RASGRF2: variants seen among roughly 807,000 people sequenced by gnomAD.
The protein encoded by RASGRF2 is Ras protein specific guanine nucleotide releasing factor 2, also known as ras-specific guanine nucleotide-releasing factor 2.
In RASGRF2, 76 loss-of-function variants were observed where a neutral mutation model predicts 151.0. The ratio of observed to expected loss-of-function variants is 0.50; its 90% CI spans 0.42 to 0.61. The LOEUF is 0.61. Among genes scored for constraint, RASGRF2 ranks in the 20% least tolerant of loss-of-function variants. The pLI is 0.00. For missense variants in RASGRF2, 1,148 were observed against 1,564.6 expected (o/e 0.73, Z 4.49); for synonymous variants, 504 against 566.5 (o/e 0.89, Z 1.57).
intron 1 of RASGRF2, among the ~76,000 whole-genome samples, chr5:81,037,922 C>T (rs1002044427): frequency 6.6e-6 from 1 of 152,106 alleles, no homozygotes; most frequent in African/African-American, 2.4e-5. Context: ...TAACTGTATA[C>T]ATATCTAAAA....
chr5:81,144,411 C>T (rs954343324), intron 17 of RASGRF2, among the ~76,000 whole-genome samples: 1 of 152,194 alleles, frequency 6.6e-6, no homozygotes, highest in African/African-American at 2.4e-5. Context: ...GTGATTAGTA[C>T]AGGTTGTGCC....
At chr5:80,981,330 A>G (rs1272708249) in intron 1 of RASGRF2, among the ~76,000 whole-genome samples, 2 of 152,046 alleles carry the variant, frequency 1.3e-5, no homozygotes, top group Non-Finnish European at 2.9e-5. Flanking sequence ...TTTTGCTTTA[A>G]AAATTGTGGT....
intron 18 of RASGRF2, among the ~76,000 whole-genome samples, chr5:81,195,854 C>T (rs1337925507): frequency 6.6e-6 from 1 of 152,190 alleles, no homozygotes; most frequent in Non-Finnish European, 1.5e-5. Context: ...TGCTTCTCAT[C>T]TCAGCCCATG....
chr5:81,107,686 CTTA>C (rs568826372), intron 12 of RASGRF2, among the ~76,000 whole-genome samples: 147 of 152,280 alleles, frequency 9.7e-4, no homozygotes, highest in African/African-American at 2.9e-3. Flanking sequence ...TTGACTCTGT[CTTA>C]TTATATGTGT....
At chr5:81,066,025 G>T (rs1751589843) in intron 2 of RASGRF2, among the ~76,000 whole-genome samples, 1 of 151,998 alleles carries the variant, frequency 6.6e-6, no homozygotes, top group South Asian at 2.1e-4. Context: ...TTTTTTAAGA[G>T]AAAAGAAAAT....
chr5:81,208,534 C>CTTTTTTTTTTTTTTGTTTTTT (rs1755561456), intron 22 of RASGRF2, 96 bp downstream of exon 22: 1 of 233,326 alleles, frequency 4.3e-6, no homozygotes, highest in African/African-American at 4.4e-5. Flanking sequence ...CTGTCACCCA[C>CTTTTTTTTTTTTTTGTTTTTT]TTTTTTTTTT....
At chr5:81,143,759 G>A (rs905611982) in intron 17 of RASGRF2, among the ~76,000 whole-genome samples, 6 of 151,886 alleles carry the variant, frequency 4.0e-5, no homozygotes, top group African/African-American at 9.7e-5. Flanking sequence ...ACGTGGTGGT[G>A]CACACCTGTA....
chr5:81,222,008 G>T (rs1755866921), intron 26 of RASGRF2, among the ~76,000 whole-genome samples: 1 of 152,108 alleles, frequency 6.6e-6, no homozygotes, highest in Non-Finnish European at 1.5e-5. Context: ...GGAGAAAAAA[G>T]ATGCTCTAGA....
chr5:81,024,085 C>T (rs1490459366), intron 1 of RASGRF2, among the ~76,000 whole-genome samples: 2 of 152,040 alleles, frequency 1.3e-5, no homozygotes, highest in Non-Finnish European at 2.9e-5. Context: ...TTATGGGGCT[C>T]ATGACTGTCT....
At chr5:81,032,449 C>T (rs1174756170) in intron 1 of RASGRF2, among the ~76,000 whole-genome samples, 1 of 152,182 alleles carries the variant, frequency 6.6e-6, no homozygotes, top group Non-Finnish European at 1.5e-5. Context: ...TTATCCACCA[C>T]AATCAAGTTG....
chr5:81,138,961 A>G (rs1006809243), intron 17 of RASGRF2, among the ~76,000 whole-genome samples: 5 of 152,154 alleles, frequency 3.3e-5, no homozygotes, highest in African/African-American at 4.8e-5. Context: ...ATTGTGATCT[A>G]TTAATTTTGT....
intron 1 of RASGRF2, among the ~76,000 whole-genome samples, chr5:81,021,125 T>A (rs1478432581): frequency 6.6e-6 from 1 of 152,094 alleles, no homozygotes; most frequent in Non-Finnish European, 1.5e-5. Context: ...AATGAAAACA[T>A]GGAGAATGGG....
At chr5:81,031,153 C>G (rs1395407290) in intron 1 of RASGRF2, among the ~76,000 whole-genome samples, 7 of 152,188 alleles carry the variant, frequency 4.6e-5, no homozygotes, top group South Asian at 4.1e-4. Flanking sequence ...CATAAAGCAA[C>G]TCCTTAGAGA....
intron 1 of RASGRF2, among the ~76,000 whole-genome samples, chr5:81,042,573 C>G (rs1368803635): frequency 6.6e-6 from 1 of 152,162 alleles, no homozygotes; most frequent in Non-Finnish European, 1.5e-5. Context: ...TATCATATTA[C>G]CTTTCATTTA....
intron 2 of RASGRF2, among the ~76,000 whole-genome samples, chr5:81,056,137 CTCTGA>C (rs1751202500): frequency 6.6e-6 from 1 of 152,064 alleles, no homozygotes; most frequent in East Asian, 1.9e-4. Context: ...TTCAGTTCTG[CTCTGA>C]TCTTAGTTAT....
chr5:81,031,862 C>G (rs1461691767), intron 1 of RASGRF2, among the ~76,000 whole-genome samples: 2 of 152,050 alleles, frequency 1.3e-5, no homozygotes, highest in African/African-American at 2.4e-5. Context: ...AATCCAGGAG[C>G]TGGTTTTTTG....
At chr5:81,195,638 C>T (rs1028114804) in intron 18 of RASGRF2, among the ~76,000 whole-genome samples, 6 of 151,542 alleles carry the variant, frequency 4.0e-5, no homozygotes, top group Non-Finnish European at 8.8e-5. Context: ...AAGGTGGACC[C>T]CGGGCCAGCA....
chr5:81,037,110 G>T (rs1750526139), intron 1 of RASGRF2, among the ~76,000 whole-genome samples: 1 of 152,058 alleles, frequency 6.6e-6, no homozygotes, highest in African/African-American at 2.4e-5. Context: ...GATCTCATGA[G>T]ATTTATTCAC....
At chr5:81,206,210 A>G (rs1001083888) in intron 19 of RASGRF2, among the ~76,000 whole-genome samples, 1 of 151,556 alleles carries the variant, frequency 6.6e-6, no homozygotes, top group Non-Finnish European at 1.5e-5. Flanking sequence ...TTCATTCATC[A>G]TTTATTTTTT....
Sources: allele counts gnomAD v4.1 joint callset (sites outside exome capture counted in the v4.1 genomes callset), GRCh38; gene constraint gnomAD v4.1.1; transcripts MANE v1.5; gene names NCBI Gene and HGNC (gene_info 2026-07-23, HGNC 2026-07-21).